The following GRM5 variants were observed in gnomAD, a reference collection of about 807,000 sequenced individuals.
GRM5 encodes the protein metabotropic glutamate receptor 5.
In GRM5, 19 loss-of-function variants were observed where a neutral mutation model predicts 83.1. That is an observed-to-expected ratio of 0.23 (90% CI 0.16 to 0.34). The LOEUF (loss-of-function observed/expected upper bound fraction) is 0.34. Among genes scored for constraint, GRM5 ranks in the 10% least tolerant of loss-of-function variants. The pLI is 1.00. For missense variants in GRM5, 1,160 were observed against 1,588.3 expected, an observed-to-expected ratio of 0.73 and a Z score of 4.58; for synonymous variants, 675 against 633.6, an observed-to-expected ratio of 1.07 and a Z score of -0.98.
intron 2 of GRM5, among the ~76,000 whole-genome samples, chr11:89,034,545 C>T (rs1941338852): frequency 6.6e-6 from 1 of 151,780 alleles, no homozygotes; most frequent in Admixed American, 6.6e-5. Context: ...AACTCATGTG[C>T]TAGCAAGTGC....
At chr11:88,664,433 C>G (rs898192345) in intron 3 of GRM5, among the ~76,000 whole-genome samples, 1 of 151,680 alleles carries the variant, frequency 6.6e-6, no homozygotes, top group East Asian at 1.9e-4. Context: ...ATTCACATAG[C>G]ATTTTCTTTT....
chr11:88,515,614 TA>T lies in GRM5; in HGVS notation c.2727-6111del, dbSNP rs533799940. On this transcript the variant is annotated intron_variant, in intron 9 of 9. Transcript: ENST00000305447. ...ATTAAGTGTCAACTAAAAATAAATT[TA>T]AAAAAATCTCACTAAACTACTCTTC... Among the ~76,000 whole-genome samples, 1,068 of 152,284 alleles carry T rather than the reference TA, an allele frequency of 7.0e-3. 14 individuals carry two copies. Among genetic ancestry groups the T allele is most frequent in the African/African-American group, 0.024 (1,011 of 41,556 alleles).
At chr11:88,773,569 G>T (rs770057977) in intron 3 of GRM5, among the ~76,000 whole-genome samples, 212 of 152,212 alleles carry the variant, frequency 1.4e-3, no homozygotes, top group Non-Finnish European at 2.5e-3. Flanking sequence ...TTCTTCTAGG[G>T]TTTTTATGGT....
At chr11:88,587,225 T>A (rs1007080295) in intron 7 of GRM5, among the ~76,000 whole-genome samples, 3 of 152,190 alleles carry the variant, frequency 2.0e-5, no homozygotes, top group Non-Finnish European at 4.4e-5. Flanking sequence ...AGTCTAAGTA[T>A]ATCAAAGAAA....
intron 3 of GRM5, among the ~76,000 whole-genome samples, chr11:88,739,177 T>G (rs752203862): frequency 6.6e-6 from 1 of 152,098 alleles, no homozygotes; most frequent in African/African-American, 2.4e-5. Flanking sequence ...GAGCTAGAAC[T>G]ACTATTCTCT....
chr11:88,556,315 T>C (rs1355594549), intron 8 of GRM5, among the ~76,000 whole-genome samples: 1 of 115,430 alleles, frequency 8.7e-6, no homozygotes, highest in East Asian at 2.1e-4. Flanking sequence ...GGACACATTC[T>C]TTTCTTTTCT....
intron 3 of GRM5, among the ~76,000 whole-genome samples, chr11:88,671,323 T>G (rs1031586301): frequency 6.6e-6 from 1 of 152,074 alleles, no homozygotes; most frequent in African/African-American, 2.4e-5. Flanking sequence ...ATAAGTTTGC[T>G]TACCCTAAAA....
At chr11:88,675,629 A>G (rs563653321) in intron 3 of GRM5, among the ~76,000 whole-genome samples, 47 of 151,970 alleles carry the variant, frequency 3.1e-4, no homozygotes, top group Non-Finnish European at 5.0e-4. Context: ...GTTGAACTGT[A>G]AGGTTATTTA....
intron 3 of GRM5, among the ~76,000 whole-genome samples, chr11:88,653,720 A>G (rs1238780176): frequency 1.3e-5 from 2 of 152,068 alleles, no homozygotes; most frequent in Non-Finnish European, 2.9e-5. Context: ...GCATAATATC[A>G]TCATTCACAT....
chr11:89,020,356 G>C (rs537014057), intron 2 of GRM5, among the ~76,000 whole-genome samples: 1 of 152,210 alleles, frequency 6.6e-6, no homozygotes, highest in Admixed American at 6.5e-5. Context: ...TTCAGAGCAT[G>C]CTCCCTTACA....
intron 2 of GRM5, among the ~76,000 whole-genome samples, chr11:88,923,659 A>C (rs1366905319): frequency 6.6e-6 from 1 of 152,056 alleles, no homozygotes; most frequent in Non-Finnish European, 1.5e-5. Context: ...GACTACACTC[A>C]ACAATTTATT....
At chr11:88,886,039 T>C (rs1156282204) in intron 2 of GRM5, among the ~76,000 whole-genome samples, 5 of 152,166 alleles carry the variant, frequency 3.3e-5, no homozygotes, top group Non-Finnish European at 5.9e-5. Flanking sequence ...TATGTAAACA[T>C]CATACCTGAT....
intron 7 of GRM5, among the ~76,000 whole-genome samples, chr11:88,570,569 ATATTTTTTTT>A (rs1420504660): frequency 3.5e-4 from 26 of 73,874 alleles, no homozygotes; most frequent in African/African-American, 1.0e-3. Flanking sequence ...ATATATATAT[ATATTTTTTTT>A]TTTTTTTTTT....
chr11:88,687,501 TAC>T (rs1231774121), intron 3 of GRM5, among the ~76,000 whole-genome samples: 25 of 47,778 alleles, frequency 5.2e-4, no homozygotes, highest in South Asian at 9.7e-4. Flanking sequence ...AAACAAAAAA[TAC>T]ACACACACAC....
At chr11:88,517,128 T>TACAC (rs60251358) in intron 9 of GRM5, among the ~76,000 whole-genome samples, 13,736 of 148,048 alleles carry the variant, frequency 0.093, 697 homozygotes, top group African/African-American at 0.14. Flanking sequence ...TTGGCTTCTG[T>TACAC]ACACACACAC....
chr11:88,551,681 T>G (rs974839952), intron 8 of GRM5, among the ~76,000 whole-genome samples: 3 of 152,160 alleles, frequency 2.0e-5, no homozygotes, highest in African/African-American at 7.2e-5. Flanking sequence ...CTCACTGCCT[T>G]GGGCAAGCTT....
intron 3 of GRM5, among the ~76,000 whole-genome samples, chr11:88,721,400 A>G (rs1009701977): frequency 6.6e-6 from 1 of 152,110 alleles, no homozygotes; most frequent in South Asian, 2.1e-4. Context: ...TATTGATTCT[A>G]TTAACTGAAG....
At chr11:88,732,959 C>G (rs1437871893) in intron 3 of GRM5, among the ~76,000 whole-genome samples, 1 of 152,006 alleles carries the variant, frequency 6.6e-6, no homozygotes, top group Non-Finnish European at 1.5e-5. Flanking sequence ...TTCTTCAGTG[C>G]ATTTTCCGTT....
intron 3 of GRM5, among the ~76,000 whole-genome samples, chr11:88,786,872 CA>C (rs1943079544): frequency 6.6e-6 from 1 of 151,874 alleles, no homozygotes; most frequent in Non-Finnish European, 1.5e-5. Flanking sequence ...GACTCTGGGA[CA>C]AGAAGAGCTT....
Sources: gnomAD v4.1 joint callset for allele counts (sites outside exome capture counted in the v4.1 genomes callset) on GRCh38, gnomAD v4.1.1 for gene constraint, MANE v1.5 for transcripts, NCBI Gene and HGNC (gene_info 2026-07-23, HGNC 2026-07-21) for gene names.